ST7L: variants seen among roughly 807,000 people sequenced by gnomAD.
ST7L encodes the protein suppression of tumorigenicity 7 like.
In ST7L, 57 loss-of-function variants were observed where a neutral mutation model predicts 72.5. That is an observed-to-expected ratio of 0.79 (90% CI 0.64 to 0.98). The LOEUF (loss-of-function observed/expected upper bound fraction) is 0.98. ST7L is among the 50% of genes least tolerant of loss of function. The probability of loss-of-function intolerance (pLI) is 0.00; values close to 1 mark genes in which losing one functional copy is unlikely to be tolerated. For synonymous variants in ST7L, 221 were observed against 240.9 expected (o/e 0.92, Z 0.77); for missense variants, 576 against 672.2 (o/e 0.86, Z 1.58).
chr1:112,550,887 G>A (rs919136148), intron 12 of ST7L, among the ~76,000 whole-genome samples, 194 bp from the exon 13 acceptor site: 3 of 152,136 alleles, frequency 2.0e-5, no homozygotes, highest in Admixed American at 6.6e-5. Flanking sequence ...GAATGGTCTA[G>A]TCTGGCTGGA....
chr1:112,617,736 C>T (rs1306879888), intron 1 of ST7L, among the ~76,000 whole-genome samples: 1 of 151,744 alleles, frequency 6.6e-6, no homozygotes, highest in Admixed American at 6.6e-5. Flanking sequence ...CACACACACA[C>T]ACACACACAC....
chr1:112,619,117 G>A lies in ST7L; in HGVS notation c.-4C>T, dbSNP rs911015135. ...CCACGCCGCCACGGTCCGCCATCTT[G>A]CCGCTATCGCAGGCGCCAGGAGCTG... is the stretch of plus-strand genomic sequence containing the variant. On this transcript the variant is annotated 5_prime_UTR_variant, in exon 1 of 15. Coordinates refer to ENST00000358039, the MANE Select transcript of ST7L (RefSeq NM_017744.5). 1.9e-6 allele frequency: 3 copies of A among 1,613,012 alleles called. No individual in the cohort carries two copies. Among genetic ancestry groups the A allele is most frequent in the Non-Finnish European group, 2.5e-6 (3 of 1,179,634 alleles).
chr1:112,524,655 G>A lies in ST7L; in HGVS notation c.*1358C>T, dbSNP rs1028706375. 1.3e-5 allele frequency: 2 copies of A among 152,536 alleles called. No individual in the cohort carries two copies. The highest frequency in any genetic ancestry group is 2.4e-5 in the African/African-American group (1 of 41,398). The allele number at this position is 152,536 out of a possible 1,614,324, so 9.4% of individuals were successfully genotyped here. On this transcript the variant is annotated 3_prime_UTR_variant, in exon 15 of 15. Coordinates refer to ENST00000358039, the MANE Select transcript of ST7L (RefSeq NM_017744.5). The stretch of plus-strand genomic sequence containing the variant: ...CCACTTGGGAACTGCCTGCTACTAC[G>A]GGGGTTGGGCATCTTTGAAGCAATG...
At chr1:112,560,041 G>A (rs1230330462) in intron 11 of ST7L, among the ~76,000 whole-genome samples, 3 of 152,074 alleles carry the variant, frequency 2.0e-5, no homozygotes, top group African/African-American at 7.2e-5. Flanking sequence ...ATTTGTTATC[G>A]ATTATTATTG....
rs958637337 is a variant in ST7L, at chr1:112,525,182, C to T, written c.*831G>A. 2 of 152,180 alleles carry T rather than the reference C, an allele frequency of 1.3e-5. No individual in the cohort carries two copies. The highest frequency in any genetic ancestry group is 4.8e-5 in the African/African-American group (2 of 41,416). 9.4% of individuals were successfully genotyped at this position (152,180 alleles called of 1,614,324 possible). On this transcript the variant is annotated 3_prime_UTR_variant, in exon 15 of 15. Coordinates refer to ENST00000358039, the MANE Select transcript of ST7L (RefSeq NM_017744.5). Reference sequence around the variant, plus strand: ...GACTGCATGGGGTATAACTGCCAAGCCTACTGCTCATGACCTGTGGTTGTT... The same window carrying T: ...GACTGCATGGGGTATAACTGCCAAGTCTACTGCTCATGACCTGTGGTTGTT...
At chr1:112,579,377 C>G (rs1396712587) in intron 9 of ST7L, among the ~76,000 whole-genome samples, 2 of 58,990 alleles carry the variant, frequency 3.4e-5, no homozygotes, top group South Asian at 9.2e-4. Flanking sequence ...GTACGAGACT[C>G]TGTAAAAAAA....
chr1:112,604,216 C>A (rs541516090), intron 3 of ST7L, among the ~76,000 whole-genome samples: 1 of 151,990 alleles, frequency 6.6e-6, no homozygotes, highest in South Asian at 2.1e-4. Context: ...GGCTGAGGCA[C>A]AAGAATTGCT....
chr1:112,608,360 A>G (rs552968027), intron 3 of ST7L, among the ~76,000 whole-genome samples: 9 of 152,056 alleles, frequency 5.9e-5, no homozygotes, highest in African/African-American at 2.2e-4. Flanking sequence ...TTCCTCTGTG[A>G]TATATTTTGC....
At chr1:112,551,234 T>C (rs1033985905) in intron 12 of ST7L, among the ~76,000 whole-genome samples, 18 of 146,828 alleles carry the variant, frequency 1.2e-4, no homozygotes, top group East Asian at 4.2e-4. Context: ...CTACAAGCTC[T>C]GCCTCCTGGG....
chr1:112,528,432 C>T (rs530218852), intron 14 of ST7L: 9 of 152,176 alleles, frequency 5.9e-5, no homozygotes, highest in Non-Finnish European at 1.5e-5. Context: ...TGATTTATGT[C>T]AGTAAACATC....
At chr1:112,595,434 G>T (rs1666341179) in intron 5 of ST7L, among the ~76,000 whole-genome samples, 1 of 142,110 alleles carries the variant, frequency 7.0e-6, no homozygotes, top group African/African-American at 2.6e-5. Context: ...TTGCTTGGTT[G>T]TTTTTTTAGA....
intron 11 of ST7L, among the ~76,000 whole-genome samples, chr1:112,565,081 G>C (rs941065414): frequency 6.6e-6 from 1 of 151,130 alleles, no homozygotes; most frequent in Non-Finnish European, 1.5e-5. Context: ...CTTTGCTCTT[G>C]TTGCCCAGGC....
chr1:112,619,500 C>G (rs961496298), upstream of ST7L: 12 of 516,808 alleles, frequency 2.3e-5, no homozygotes, highest in Non-Finnish European at 3.8e-5. Context: ...ATAACGGGCA[C>G]CAGAAAAACT....
chr1:112,568,250 T>C (rs1410815075), intron 11 of ST7L, among the ~76,000 whole-genome samples: 1 of 152,088 alleles, frequency 6.6e-6, no homozygotes, highest in Non-Finnish European at 1.5e-5. Context: ...ATACATGTAA[T>C]AGTGGCATTT....
intron 11 of ST7L, among the ~76,000 whole-genome samples, chr1:112,568,887 T>TATAAAA (rs1308318369): frequency 7.6e-5 from 10 of 131,558 alleles, no homozygotes; most frequent in Non-Finnish European, 1.4e-4. Context: ...TATATATATA[T>TATAAAA]AAAACAAAAA....
At chr1:112,580,390 C>T (rs371739009) in intron 9 of ST7L, among the ~76,000 whole-genome samples, 12 of 152,282 alleles carry the variant, frequency 7.9e-5, no homozygotes, top group African/African-American at 2.9e-4. Context: ...TGAGCTCAAG[C>T]AATCCACCCG....
In ST7L at chr1:112,611,012, A is replaced by G. The variant is rs1427892629; in HGVS notation, c.289-9T>C. The G allele has an allele frequency of 3.7e-6, 6 of 1,612,740 alleles. No homozygotes were observed. The highest frequency in any genetic ancestry group is 5.1e-6 in the Non-Finnish European group (6 of 1,179,718). ...TACCACCATTCAAATATCTATGACA[A>G]ACAGAAAATATCCTGCACTTAGAAT... On this transcript the variant is annotated splice_polypyrimidine_tract_variant and intron_variant, in intron 2 of 14. Coordinates refer to ENST00000358039, the MANE Select transcript of ST7L (RefSeq NM_017744.5).
chr1:112,522,279 TG>T (rs1249310773), downstream of ST7L: 5 of 152,264 alleles, frequency 3.3e-5, no homozygotes, highest in Non-Finnish European at 7.3e-5. Flanking sequence ...ATCCTCCCAC[TG>T]CAGCCTTCCA....
chr1:112,570,775 G>T (rs1386074392), intron 11 of ST7L: 1 of 456,218 alleles, frequency 2.2e-6, no homozygotes, highest in African/African-American at 2.0e-5. Flanking sequence ...AAAACAGCCA[G>T]TCACAAATTC....
Sources: gnomAD v4.1 joint callset for allele counts (sites outside exome capture counted in the v4.1 genomes callset) on GRCh38, gnomAD v4.1.1 for gene constraint, MANE v1.5 for transcripts, NCBI Gene and HGNC (gene_info 2026-07-23, HGNC 2026-07-21) for gene names.